The following ATP6V1A variants were observed in gnomAD, a reference collection of about 807,000 sequenced individuals.
ATP6V1A encodes V-type proton ATPase catalytic subunit A.
ATP6V1A carries 18 observed loss-of-function variants against 70.1 expected under a neutral mutation model. The observed-to-expected ratio is 0.26, with a 90% CI of 0.18 to 0.38. The LOEUF is 0.38. Among genes scored for constraint, ATP6V1A ranks in the 10% least tolerant of loss-of-function variants. The pLI, the probability that ATP6V1A is intolerant of heterozygous loss-of-function variation, is 1.00. For missense variants in ATP6V1A, 424 were observed against 772.4 expected, an observed-to-expected ratio of 0.55 and a Z score of 5.35; for synonymous variants, 232 against 253.8, an observed-to-expected ratio of 0.91 and a Z score of 0.82.
Position 113,809,639 on chromosome 3 carries a change from C to G in ATP6V1A, c.*212C>G, listed in dbSNP as rs1466012239. 2.3e-6 allele frequency: 1 copy of G among 436,726 alleles called. No individual in the cohort carries two copies. The highest frequency in any genetic ancestry group is 2.0e-5 in the African/African-American group (1 of 50,298). The allele number at this position is 436,726 out of a possible 1,614,324, so 27.1% of individuals were successfully genotyped here. ...AGTGTTGTGAAGGGCCTCCCTCTTC[C>G]TTTATCTGAAGTGGTGAATATAGTA... On this transcript the variant is annotated 3_prime_UTR_variant, in exon 15 of 15. Coordinates refer to ENST00000273398, the MANE Select transcript of ATP6V1A (RefSeq NM_001690.4).
At chr3:113,750,951 C>T (rs978506059) in intron 1 of ATP6V1A, among the ~76,000 whole-genome samples, 1 of 152,100 alleles carries the variant, frequency 6.6e-6, no homozygotes, top group African/African-American at 2.4e-5. Flanking sequence ...TTAATTTTAT[C>T]TGAAAAATAT....
intron 1 of ATP6V1A, among the ~76,000 whole-genome samples, chr3:113,771,688 C>T (rs553140107): frequency 3.3e-5 from 5 of 152,182 alleles, no homozygotes; most frequent in African/African-American, 4.8e-5. Flanking sequence ...CCGCCTGCCT[C>T]GGCTTCCCAA....
Position 113,798,313 on chromosome 3 carries a change from A to G in ATP6V1A, c.1361A>G (p.Tyr454Cys). ...CCCTCTGTCAATTGGCTCATCAGCTACAGCAAGTATATGCGTGCCTTGGAT... is the reference window on the plus strand; with the variant it reads ...CCCTCTGTCAATTGGCTCATCAGCTGCAGCAAGTATATGCGTGCCTTGGAT... The part of the protein sequence containing the change: ...HFPSVNWLIS[Y>C]SKYMRALDEY... Residue 454 changes from tyrosine to cysteine, a missense_variant, in exon 12 of 15, where the codon TAC becomes TGC. Transcript: ENST00000273398. 1 of 1,614,042 alleles carries G rather than the reference A, an allele frequency of 6.2e-7. No homozygotes were observed. Among genetic ancestry groups the G allele is most frequent in the Non-Finnish European group, 8.5e-7 (1 of 1,180,008 alleles).
At chr3:113,793,080 G>A (rs1180149965) in intron 8 of ATP6V1A, among the ~76,000 whole-genome samples, 1 of 151,758 alleles carries the variant, frequency 6.6e-6, no homozygotes, top group African/African-American at 2.4e-5. Flanking sequence ...TTGGTTTTGA[G>A]ACAAAGTCTC....
At chr3:113,787,425 C>T (rs1215185503) in intron 6 of ATP6V1A, among the ~76,000 whole-genome samples, 1 of 152,086 alleles carries the variant, frequency 6.6e-6, no homozygotes, top group Admixed American at 6.5e-5. Flanking sequence ...GGGGAAAATG[C>T]CCTGTTTCAT....
chr3:113,763,304 G>T (rs2108013822), intron 1 of ATP6V1A, among the ~76,000 whole-genome samples: 1 of 152,260 alleles, frequency 6.6e-6, no homozygotes, highest in East Asian at 1.9e-4. Context: ...AGCCAGGATG[G>T]TCTCGATCTC....
intron 1 of ATP6V1A, among the ~76,000 whole-genome samples, chr3:113,758,229 G>A (rs766573841): frequency 2.0e-5 from 3 of 152,166 alleles, no homozygotes; most frequent in Non-Finnish European, 4.4e-5. Context: ...TGCCTTTATA[G>A]GAGTCATGCT....
chr3:113,777,785 T>A (rs757938041), intron 1 of ATP6V1A, among the ~76,000 whole-genome samples: 2 of 152,124 alleles, frequency 1.3e-5, no homozygotes, highest in African/African-American at 4.8e-5. Context: ...TAGGAGCAGA[T>A]ACCTTGGAGA....
chr3:113,748,379 T>C (rs1196074624), intron 1 of ATP6V1A, among the ~76,000 whole-genome samples: 1 of 152,216 alleles, frequency 6.6e-6, no homozygotes, highest in Non-Finnish European at 1.5e-5. Flanking sequence ...TGCTTTTCAA[T>C]TGAAGGTCTT....
At chr3:113,793,425 A>G (rs1709119742) in intron 8 of ATP6V1A, among the ~76,000 whole-genome samples, 1 of 152,192 alleles carries the variant, frequency 6.6e-6, no homozygotes, top group Admixed American at 6.5e-5. Flanking sequence ...AATATGTCCC[A>G]GCTTGTTTAT....
intron 1 of ATP6V1A, among the ~76,000 whole-genome samples, chr3:113,748,804 A>G (rs1242502774): frequency 1.3e-5 from 2 of 152,244 alleles, no homozygotes; most frequent in African/African-American, 4.8e-5. Context: ...CTTACGACCC[A>G]TACTGGACAA....
intron 1 of ATP6V1A, among the ~76,000 whole-genome samples, chr3:113,753,075 A>G (rs1194985624): frequency 6.6e-6 from 1 of 152,180 alleles, no homozygotes; most frequent in African/African-American, 2.4e-5. Flanking sequence ...AAGGCTTGAG[A>G]TATATGTAAC....
intron 8 of ATP6V1A, among the ~76,000 whole-genome samples, chr3:113,793,398 A>G (rs983082940): frequency 6.6e-6 from 1 of 152,038 alleles, no homozygotes; most frequent in Non-Finnish European, 1.5e-5. Context: ...TTCGTCCTTT[A>G]TCTGTCATGA....
intron 3 of ATP6V1A, among the ~76,000 whole-genome samples, chr3:113,781,594 C>T (rs1055504592): frequency 6.6e-6 from 1 of 152,134 alleles, no homozygotes; most frequent in African/African-American, 2.4e-5. Flanking sequence ...ATATTAGAAG[C>T]ATGAAATGCT....
intron 13 of ATP6V1A, 95 bp from the exon 14 acceptor site, chr3:113,805,259 A>T: frequency 8.2e-7 from 1 of 1,223,216 alleles, no homozygotes; most frequent in Non-Finnish European, 1.2e-6. Context: ...CTGCATACTT[A>T]GATAAAGAAA....
intron 3 of ATP6V1A, among the ~76,000 whole-genome samples, chr3:113,782,249 A>G (rs1708984127): frequency 6.6e-6 from 1 of 152,252 alleles, no homozygotes; most frequent in South Asian, 2.1e-4. Flanking sequence ...TTTTGTAGCT[A>G]TGAAATTGTG....
intron 1 of ATP6V1A, among the ~76,000 whole-genome samples, chr3:113,770,432 C>T (rs1156726634): frequency 6.6e-6 from 1 of 151,910 alleles, no homozygotes; most frequent in African/African-American, 2.4e-5. Flanking sequence ...AATCCCAGCA[C>T]TTTGGGAGGC....
At position 113,805,431 on chromosome 3, in the gene ATP6V1A, A is replaced by G. The variant is rs747855498; in HGVS notation, c.1667A>G (p.Glu556Gly). ...TATGATATGGCTCGTAGAGCTGTTG[A>G]AACCACTGCCCAGAGTGACAATAAA... Reference protein sequence around the residue: ...AFYDMARRAVETTAQSDNKIT... With the variant: ...AFYDMARRAVGTTAQSDNKIT... Residue 556 changes from glutamate to glycine, a missense_variant, in exon 14 of 15, where the codon GAA (glutamate) becomes GGA (glycine). Glu to Gly is a moderately conservative substitution (Grantham distance 98). Coordinates refer to ENST00000273398, the MANE Select transcript of ATP6V1A (RefSeq NM_001690.4). 6.2e-7 allele frequency: 1 copy of G among 1,613,932 alleles called. No individual in the cohort carries two copies. The highest frequency in any genetic ancestry group is 8.5e-7 in the Non-Finnish European group (1 of 1,179,820).
intron 8 of ATP6V1A, among the ~76,000 whole-genome samples, chr3:113,793,373 T>C (rs1709119127): frequency 6.6e-6 from 1 of 152,202 alleles, no homozygotes; most frequent in African/African-American, 2.4e-5. Context: ...AGAAACTCTT[T>C]GATTAATGAA....
Sources: allele counts gnomAD v4.1 joint callset (sites outside exome capture counted in the v4.1 genomes callset), GRCh38; gene constraint gnomAD v4.1.1; transcripts MANE v1.5; gene names NCBI Gene and HGNC (gene_info 2026-07-23, HGNC 2026-07-21).